The following GRID2 variants were observed in gnomAD, a reference collection of about 807,000 sequenced individuals.
GRID2 encodes the protein glutamate receptor ionotropic, delta-2.
Under a neutral mutation model 114.8 loss-of-function variants are expected in GRID2, and 33 were observed. The observed-to-expected ratio is 0.29, with a 90% CI of 0.22 to 0.38. GRID2 has a LOEUF of 0.38. GRID2 is among the 10% of genes least tolerant of loss of function. The probability of loss-of-function intolerance (pLI) is 1.00; values close to 1 mark genes in which losing one functional copy is unlikely to be tolerated. For missense variants in GRID2, 1,184 were observed against 1,257.7 expected, an observed-to-expected ratio of 0.94 and a Z score of 0.89; for synonymous variants, 505 against 449.9, an observed-to-expected ratio of 1.12 and a Z score of -1.55.
rs982419750 is a variant in GRID2, at chr4:92,880,622, A to G, written c.245-204373A>G. ...TTTCTAATTCATATTTAAGGATACC[A>G]ATTAGTATCTATATATTCTAGAGGG... On this transcript the variant is annotated intron_variant, in intron 2 of 15. Transcript: ENST00000282020. Among the ~76,000 whole-genome samples, 3 of 152,210 alleles carry G rather than the reference A, an allele frequency of 2.0e-5. No individual in the cohort carries two copies. The East Asian group carries it at 5.8e-4, about 29-fold the overall frequency.
intron 10 of GRID2, among the ~76,000 whole-genome samples, chr4:93,445,956 A>G (rs1722052755): frequency 6.6e-6 from 1 of 152,034 alleles, no homozygotes; most frequent in Admixed American, 6.6e-5. Flanking sequence ...AAGTAAGGGT[A>G]CCCTCCATGA....
At chr4:93,045,412 A>G (rs1024061483) in intron 2 of GRID2, among the ~76,000 whole-genome samples, 6 of 152,040 alleles carry the variant, frequency 3.9e-5, no homozygotes, top group African/African-American at 1.4e-4. Flanking sequence ...ATATTTCTAT[A>G]TATGTATCTA....
chr4:93,687,421 G>A (rs530403043), intron 14 of GRID2, among the ~76,000 whole-genome samples: 31 of 151,940 alleles, frequency 2.0e-4, no homozygotes, highest in Non-Finnish European at 4.0e-4. Flanking sequence ...TATAAATGTA[G>A]GAGTTGTCAG....
chr4:93,598,597 C>T (rs1007110840), intron 13 of GRID2, among the ~76,000 whole-genome samples: 2 of 152,118 alleles, frequency 1.3e-5, no homozygotes, highest in Non-Finnish European at 2.9e-5. Context: ...TAAGATTTAA[C>T]CCAGTTTTAA....
chr4:92,564,413 T>G (rs1579588821), intron 1 of GRID2, among the ~76,000 whole-genome samples: 1 of 152,056 alleles, frequency 6.6e-6, no homozygotes, highest in Non-Finnish European at 1.5e-5. Context: ...AAGCATTACA[T>G]TAGTACAAAT....
At chr4:93,236,568 G>T (rs1001177582) in intron 7 of GRID2, among the ~76,000 whole-genome samples, 3 of 151,960 alleles carry the variant, frequency 2.0e-5, no homozygotes, top group African/African-American at 7.2e-5. Flanking sequence ...ATCCTGCTAA[G>T]GGCTTTGTAT....
intron 1 of GRID2, among the ~76,000 whole-genome samples, chr4:93,787,671 A>C (rs1240764699): frequency 2.0e-5 from 3 of 152,154 alleles, no homozygotes; most frequent in Non-Finnish European, 4.4e-5. Context: ...GGAGTTTCGC[A>C]GTCTTGTTTA....
At chr4:92,308,973 T>G (rs1308433847) in intron 1 of GRID2, among the ~76,000 whole-genome samples, 1 of 152,050 alleles carries the variant, frequency 6.6e-6, no homozygotes, top group African/African-American at 2.4e-5. Flanking sequence ...GAAGCACAAT[T>G]CAAGTGTGTA....
intron 4 of GRID2, among the ~76,000 whole-genome samples, chr4:93,128,042 A>C (rs1055437507): frequency 2.2e-5 from 3 of 135,524 alleles, no homozygotes; most frequent in Non-Finnish European, 4.6e-5. Flanking sequence ...AAAAAAAAAA[A>C]AAAAAAAAAA....
chr4:93,012,093 A>C (rs1002661669), intron 2 of GRID2, among the ~76,000 whole-genome samples: 1 of 151,602 alleles, frequency 6.6e-6, no homozygotes, highest in South Asian at 2.1e-4. Context: ...AAAAAAAAAA[A>C]AAAAACATGT....
At chr4:93,295,961 T>A (rs1405428034) in intron 8 of GRID2, among the ~76,000 whole-genome samples, 5 of 152,196 alleles carry the variant, frequency 3.3e-5, no homozygotes, top group Non-Finnish European at 4.4e-5. Flanking sequence ...AGATTTTTAT[T>A]TTGGAATAGA....
intron 1 of GRID2, among the ~76,000 whole-genome samples, chr4:92,574,874 C>T (rs2149196528): frequency 6.6e-6 from 1 of 152,198 alleles, no homozygotes; most frequent in Non-Finnish European, 1.5e-5. Flanking sequence ...GCCTTTCTTG[C>T]TAGGTTGGGG....
intron 2 of GRID2, among the ~76,000 whole-genome samples, chr4:92,689,389 C>T (rs964087890): frequency 2.6e-5 from 4 of 152,094 alleles, no homozygotes; most frequent in Non-Finnish European, 4.4e-5. Context: ...TTAATGTAGC[C>T]ACCTTCATCT....
intron 8 of GRID2, among the ~76,000 whole-genome samples, chr4:93,262,820 A>C (rs1450922781): frequency 9.4e-6 from 1 of 105,906 alleles, no homozygotes; most frequent in African/African-American, 2.9e-5. Flanking sequence ...TGCAATAAAT[A>C]GATTTCTAAA....
chr4:92,987,996 A>G (rs1754617368), intron 2 of GRID2, among the ~76,000 whole-genome samples: 1 of 152,206 alleles, frequency 6.6e-6, no homozygotes, highest in African/African-American at 2.4e-5. Flanking sequence ...TAAAATTTAC[A>G]TTAATTGATC....
rs1184507419 is a variant in GRID2 at position 92,779,220 on chromosome 4, G to GTA, written c.244+188936_244+188937dup. On this transcript the variant is annotated intron_variant, in intron 2 of 15. Transcript: ENST00000282020. ...TGTGTGTGTGTGTGTATGTGTGTGT[G>GTA]TATTTTAATCTGTGTCCTTAACGGA... Among the ~76,000 whole-genome samples the GTA allele has an allele frequency of 7.9e-5, 12 of 151,024 alleles. No individual in the cohort carries two copies. The South Asian group carries it at 1.0e-3, about 13-fold the overall frequency.
chr4:92,345,149 T>A (rs560481791), intron 1 of GRID2, among the ~76,000 whole-genome samples: 1 of 152,346 alleles, frequency 6.6e-6, no homozygotes, highest in Non-Finnish European at 1.5e-5. Context: ...TGGTTTTCCA[T>A]ACCCGAGCTA....
At chr4:92,687,340 A>G (rs147781909) in intron 2 of GRID2, among the ~76,000 whole-genome samples, 101 of 152,212 alleles carry the variant, frequency 6.6e-4, no homozygotes, top group African/African-American at 2.4e-3. Context: ...ACCTGTATAT[A>G]TATGTAGATA....
At chr4:92,451,876 G>A (rs1440548797) in intron 1 of GRID2, among the ~76,000 whole-genome samples, 1 of 152,088 alleles carries the variant, frequency 6.6e-6, no homozygotes, top group Non-Finnish European at 1.5e-5. Context: ...CTTTGGGAGG[G>A]TCACAAGATA....
Sources: gnomAD v4.1 joint callset for allele counts (sites outside exome capture counted in the v4.1 genomes callset) on GRCh38, gnomAD v4.1.1 for gene constraint, MANE v1.5 for transcripts, NCBI Gene and HGNC (gene_info 2026-07-23, HGNC 2026-07-21) for gene names.